The following SLC1A7 variants were observed in gnomAD, a reference collection of about 807,000 sequenced individuals.
The protein encoded by SLC1A7 is excitatory amino acid transporter 5.
In SLC1A7, 40 loss-of-function variants were observed where a neutral mutation model predicts 47.7. That is an observed-to-expected ratio of 0.84 (90% CI 0.65 to 1.09). The LOEUF (loss-of-function observed/expected upper bound fraction) is 1.09, where lower values mean the gene tolerates loss of function less well. SLC1A7 is among the 50% of genes least tolerant of loss of function. The probability of loss-of-function intolerance (pLI) is 0.00; values close to 1 mark genes in which losing one functional copy is unlikely to be tolerated. For synonymous variants in SLC1A7, 323 were observed against 325.6 expected, an observed-to-expected ratio of 0.99 and a Z score of 0.09; for missense variants, 746 against 769.5, an observed-to-expected ratio of 0.97 and a Z score of 0.36.
intron 3 of SLC1A7, among the ~76,000 whole-genome samples, chr1:53,112,502 C>G (rs3766779): frequency 2.0e-5 from 3 of 152,288 alleles, no homozygotes; most frequent in South Asian, 4.1e-4. Context: ...ATACAGGGAA[C>G]GAGAGTTTCT....
chr1:53,114,719 C>T (rs755729583), intron 3 of SLC1A7, 39 bp downstream of exon 3: 2 of 1,577,966 alleles, frequency 1.3e-6, no homozygotes, highest in Non-Finnish European at 1.7e-6. Flanking sequence ...CAGGCTCGGG[C>T]CTGGCGTTCC....
chr1:53,095,565 C>A (rs1417884051), intron 5 of SLC1A7, among the ~76,000 whole-genome samples: 1 of 149,588 alleles, frequency 6.7e-6, no homozygotes, highest in Non-Finnish European at 1.5e-5. Flanking sequence ...CCTTGGTACA[C>A]TCACCCTGCC....
chr1:53,125,526 G>T (rs555601328), intron 2 of SLC1A7, among the ~76,000 whole-genome samples: 15 of 152,174 alleles, frequency 9.9e-5, no homozygotes, highest in Non-Finnish European at 2.1e-4. Flanking sequence ...ACCAGGGTAC[G>T]CTAGAGTCCC....
chr1:53,095,617 C>T (rs1379525739), intron 5 of SLC1A7, among the ~76,000 whole-genome samples: 3 of 149,628 alleles, frequency 2.0e-5, no homozygotes, highest in East Asian at 1.9e-4. Context: ...CACACACTGC[C>T]TTGGTACACT....
At chr1:53,106,802 T>A (rs182097955) in intron 3 of SLC1A7, among the ~76,000 whole-genome samples, 4 of 152,172 alleles carry the variant, frequency 2.6e-5, no homozygotes, top group Admixed American at 1.3e-4. Flanking sequence ...AAAAAATAGA[T>A]GTTAGATGCT....
Position 53,092,726 on chromosome 1 carries a change from T to C in SLC1A7, c.859A>G (p.Arg287Gly), listed in dbSNP as rs1644438567. 6.2e-7 allele frequency: 1 copy of C among 1,613,922 alleles called. No individual in the cohort carries two copies. The highest frequency in any genetic ancestry group is 2.2e-5 in the East Asian group (1 of 44,872). ...AAGCCCAGCTTCTTGCCGACGGCCC[T>C]GGGGTCGTCCATCTCCAGGATCTTA... ...AGKILEMDDP[R>G]AVGKKLGFYS... The change falls in exon 7 of 11, where the codon AGG becomes GGG. Residue 287 changes from arginine to glycine, a missense_variant. Transcript: ENST00000371494.
At chr1:53,116,693 CG>C (rs1249587345) in intron 2 of SLC1A7, among the ~76,000 whole-genome samples, 1 of 152,116 alleles carries the variant, frequency 6.6e-6, no homozygotes, top group Non-Finnish European at 1.5e-5. Flanking sequence ...CAGAACCCCC[CG>C]CAGTGGGGTC....
At chr1:53,134,812 T>C (rs1644975132) in intron 1 of SLC1A7, among the ~76,000 whole-genome samples, 1 of 152,126 alleles carries the variant, frequency 6.6e-6, no homozygotes, top group Non-Finnish European at 1.5e-5. Context: ...TTTTCCTATA[T>C]GTACATACCT....
At chr1:53,089,559 AG>A (rs749220774) in intron 9 of SLC1A7, among the ~76,000 whole-genome samples, 2 of 152,198 alleles carry the variant, frequency 1.3e-5, no homozygotes, top group Admixed American at 6.5e-5. Flanking sequence ...TATAGGCGTG[AG>A]TCATCATGCC....
intron 8 of SLC1A7, 49 bp from the exon 9 acceptor site, chr1:53,089,983 A>C: frequency 6.2e-7 from 1 of 1,604,704 alleles, no homozygotes; most frequent in Non-Finnish European, 8.5e-7. Flanking sequence ...GGCAGGGTGC[A>C]TTGTCAGGGT....
intron 3 of SLC1A7, among the ~76,000 whole-genome samples, chr1:53,107,163 A>C (rs1644652740): frequency 1.3e-5 from 2 of 150,490 alleles, no homozygotes; most frequent in Non-Finnish European, 3.0e-5. Flanking sequence ...TAAAAAAAAA[A>C]AAAAAAAAAA....
chr1:53,136,630 A>G (rs1463800778), intron 1 of SLC1A7, among the ~76,000 whole-genome samples: 1 of 119,764 alleles, frequency 8.3e-6, no homozygotes, highest in Non-Finnish European at 1.7e-5. Flanking sequence ...AAACATATAT[A>G]ATATATAAAA....
At position 53,090,794 on chromosome 1, in the gene SLC1A7, C is replaced by T. The variant is rs1247523250; in HGVS notation, c.1044G>A (p.Leu348=). Residue 348 remains leucine (L), a synonymous_variant, in exon 8 of 11, where the codon CTG becomes CTA. Transcript: ENST00000371494. ...ALATSSSSAT[L]PITFKCLLEN... is the part of the protein sequence containing the mutation. ...CCAGCAGGCACTTGAAGGTGATGGGCAGTGTGGCTGAGCTACGGTTAGAGG... is the reference window on the plus strand; with the variant it reads ...CCAGCAGGCACTTGAAGGTGATGGGTAGTGTGGCTGAGCTACGGTTAGAGG... 3.1e-6 allele frequency: 5 copies of T among 1,611,936 alleles called. No homozygotes were observed. The South Asian group carries it at 4.4e-5, about 14-fold the overall frequency.
In SLC1A7 at chr1:53,120,341, A is replaced by G. The variant is rs564554342; in HGVS notation, c.216-5368T>C. 3.3e-5 allele frequency among the ~76,000 whole-genome samples: 5 copies of G among 152,162 alleles called. No homozygotes were observed. In the South Asian group the frequency reaches 1.0e-3, roughly 32 times the overall value. ...GGGATTAGAAACCACGCCCCCACGA[A>G]GTCGAAGTTGTAGTCGCACCTCCCT... On this transcript the variant is annotated intron_variant, in intron 2 of 10. Coordinates refer to ENST00000371494, the MANE Select transcript of SLC1A7 (RefSeq NM_006671.6).
intron 3 of SLC1A7, among the ~76,000 whole-genome samples, chr1:53,113,115 T>C (rs80121951): frequency 0.017 from 2,643 of 152,262 alleles, 83 homozygotes; most frequent in African/African-American, 0.061. Flanking sequence ...CTGCAGGAGT[T>C]TGGAGTTTTA....
At chr1:53,109,978 C>T (rs1327035591) in intron 3 of SLC1A7, among the ~76,000 whole-genome samples, 1 of 152,198 alleles carries the variant, frequency 6.6e-6, no homozygotes. Context: ...CTTCTGTCCA[C>T]TCCACCCTGC....
intron 5 of SLC1A7, among the ~76,000 whole-genome samples, chr1:53,095,582 C>G (rs988698048): frequency 6.8e-6 from 1 of 148,122 alleles, no homozygotes; most frequent in Non-Finnish European, 1.5e-5. Context: ...TGCCTCGATA[C>G]ACTCACACAC....
chr1:53,107,810 G>A (rs1227496990), intron 3 of SLC1A7: 2 of 152,134 alleles, frequency 1.3e-5, no homozygotes, highest in African/African-American at 4.8e-5. Context: ...CACATACCAA[G>A]CACTCAGTAA....
At chr1:53,118,029 C>T (rs1644780756) in intron 2 of SLC1A7, among the ~76,000 whole-genome samples, 1 of 152,242 alleles carries the variant, frequency 6.6e-6, no homozygotes, top group Non-Finnish European at 1.5e-5. Flanking sequence ...GGCCAGCCTC[C>T]CCCGGAGTGC....
Sources: allele counts gnomAD v4.1 joint callset (sites outside exome capture counted in the v4.1 genomes callset), GRCh38; gene constraint gnomAD v4.1.1; transcripts MANE v1.5; gene names NCBI Gene and HGNC (gene_info 2026-07-23, HGNC 2026-07-21).